Variants in CCSER1 observed in about 807,000 individuals in gnomAD.
CCSER1 encodes the protein serine-rich coiled-coil domain-containing protein 1.
CCSER1 carries 41 observed loss-of-function variants against 82.0 expected under a neutral mutation model. That is an observed-to-expected ratio of 0.50 (90% CI 0.39 to 0.65). The LOEUF (loss-of-function observed/expected upper bound fraction) is 0.65, where lower values mean the gene tolerates loss of function less well. CCSER1 is among the 30% of genes least tolerant of loss of function. The pLI is 0.00. For missense variants in CCSER1, 1,119 were observed against 1,064.2 expected (o/e 1.05, Z -0.72); for synonymous variants, 414 against 383.9 (o/e 1.08, Z -0.92).
rs547050491 is a variant in CCSER1 at position 91,054,533 on chromosome 4, C to T, written c.2173-31417C>T. 1.1e-4 allele frequency among the ~76,000 whole-genome samples: 17 copies of T among 152,078 alleles called. 1 individual carries two copies. The South Asian group carries it at 3.5e-3, about 32-fold the overall frequency. Reference sequence around the variant, plus strand: ...TCAGCTATTAATATAGTCACCCTTGCTCTCTTTTGATTACTATTTGCATGG... The same window carrying T: ...TCAGCTATTAATATAGTCACCCTTGTTCTCTTTTGATTACTATTTGCATGG... On this transcript the variant is annotated intron_variant, in intron 9 of 10. Transcript: ENST00000509176.
In CCSER1 at chr4:90,511,279, G is replaced by A. The variant is rs1018179002; in HGVS notation, c.1724+42925G>A. Among the ~76,000 whole-genome samples the A allele has an allele frequency of 2.6e-5, 4 of 152,182 alleles. No individual in the cohort carries two copies. The South Asian group carries it at 6.2e-4, about 24-fold the overall frequency. On this transcript the variant is annotated intron_variant, in intron 5 of 10. Transcript: ENST00000509176. ...CTAAAAATACAAAAACTAGCCGGGC[G>A]TGGTGGCACACACCTGTAGTCCCAG...
At chr4:90,822,753 T>A (rs576017240) in intron 8 of CCSER1, among the ~76,000 whole-genome samples, 1 of 150,114 alleles carries the variant, frequency 6.7e-6, no homozygotes, top group African/African-American at 2.4e-5. Context: ...AAAAAAAGTT[T>A]CTATTTAAAA....
intron 1 of CCSER1, among the ~76,000 whole-genome samples, chr4:90,200,901 A>G (rs985455669): frequency 6.6e-6 from 1 of 152,144 alleles, no homozygotes; most frequent in African/African-American, 2.4e-5. Flanking sequence ...TGAATAGGAA[A>G]TACTTCCTGT....
At chr4:90,381,279 T>G (rs1268548950) in intron 3 of CCSER1, among the ~76,000 whole-genome samples, 2 of 152,232 alleles carry the variant, frequency 1.3e-5, no homozygotes, top group African/African-American at 4.8e-5. Flanking sequence ...TTACTTTGGA[T>G]TATTCATTTT....
At chr4:90,862,169 G>T (rs1454445588) in intron 8 of CCSER1, among the ~76,000 whole-genome samples, 1 of 151,630 alleles carries the variant, frequency 6.6e-6, no homozygotes, top group Non-Finnish European at 1.5e-5. Flanking sequence ...TAAGATTATT[G>T]TGAAGTAGGA....
At chr4:90,178,587 G>T (rs1733145593) in intron 1 of CCSER1, among the ~76,000 whole-genome samples, 1 of 152,054 alleles carries the variant, frequency 6.6e-6, no homozygotes, top group Non-Finnish European at 1.5e-5. Context: ...AAGTGTTAAT[G>T]AGCGTGCTGG....
At chr4:90,768,840 T>A (rs2149552918) in intron 7 of CCSER1, among the ~76,000 whole-genome samples, 1 of 152,144 alleles carries the variant, frequency 6.6e-6, no homozygotes, top group East Asian at 1.9e-4. Context: ...TAGCAGTACA[T>A]CTATAGAGTG....
chr4:90,142,624 C>G (rs1356460885), intron 1 of CCSER1, among the ~76,000 whole-genome samples: 1 of 138,652 alleles, frequency 7.2e-6, no homozygotes, highest in African/African-American at 3.0e-5. Context: ...ATTTATTTAC[C>G]ACTTTTTTTT....
intron 7 of CCSER1, among the ~76,000 whole-genome samples, chr4:90,784,632 A>G (rs532974059): frequency 2.2e-4 from 33 of 152,282 alleles, no homozygotes; most frequent in Middle Eastern, 3.4e-3. Context: ...CATATACCTC[A>G]GTATCCATAT....
chr4:90,293,210 A>G (rs1731249535), intron 1 of CCSER1, among the ~76,000 whole-genome samples: 2 of 151,808 alleles, frequency 1.3e-5, no homozygotes, highest in Non-Finnish European at 1.5e-5. Context: ...ACAACAAGAA[A>G]CTATCAGAAA....
chr4:91,203,102 A>C (rs966151257), intron 10 of CCSER1, among the ~76,000 whole-genome samples: 18 of 151,976 alleles, frequency 1.2e-4, no homozygotes, highest in Non-Finnish European at 1.5e-4. Context: ...ACTAGTTTAC[A>C]GTCCCACCAA....
chr4:90,341,187 T>C (rs1160155687), intron 3 of CCSER1, among the ~76,000 whole-genome samples: 4 of 152,110 alleles, frequency 2.6e-5, no homozygotes, highest in African/African-American at 9.6e-5. Flanking sequence ...TGTTTCCTCA[T>C]AGATAAATTT....
chr4:90,645,366 G>T (rs1727372728), intron 6 of CCSER1, among the ~76,000 whole-genome samples: 1 of 152,146 alleles, frequency 6.6e-6, no homozygotes, highest in African/African-American at 2.4e-5. Flanking sequence ...AAGGAATTCT[G>T]TGTTATAGTA....
At chr4:91,024,060 C>G (rs1218611455) in intron 9 of CCSER1, among the ~76,000 whole-genome samples, 1 of 152,150 alleles carries the variant, frequency 6.6e-6, no homozygotes, top group Non-Finnish European at 1.5e-5. Flanking sequence ...ACAGTGCTAA[C>G]ATGCTAGCTC....
intron 9 of CCSER1, among the ~76,000 whole-genome samples, chr4:91,054,149 C>T (rs1281701078): frequency 6.6e-6 from 1 of 152,138 alleles, no homozygotes; most frequent in Non-Finnish European, 1.5e-5. Flanking sequence ...TGGTCTTTGG[C>T]CACATCATAT....
intron 8 of CCSER1, among the ~76,000 whole-genome samples, chr4:90,920,586 G>T (rs1041580559): frequency 3.3e-5 from 5 of 151,788 alleles, no homozygotes; most frequent in African/African-American, 9.7e-5. Context: ...TCTGGTCTTA[G>T]CTGGGATGTC....
chr4:90,434,518 T>C (rs940379789), intron 4 of CCSER1, among the ~76,000 whole-genome samples: 2 of 152,156 alleles, frequency 1.3e-5, no homozygotes, highest in East Asian at 1.9e-4. Flanking sequence ...TTCAAAAATA[T>C]AACATTTGAC....
At chr4:91,431,608 C>G (rs1357829937) in intron 10 of CCSER1, among the ~76,000 whole-genome samples, 2 of 151,968 alleles carry the variant, frequency 1.3e-5, no homozygotes, top group African/African-American at 2.4e-5. Context: ...GCTGGGATTA[C>G]GGGCATGCAC....
intron 10 of CCSER1, among the ~76,000 whole-genome samples, chr4:91,446,109 T>C (rs1035146186): frequency 6.6e-6 from 1 of 152,126 alleles, no homozygotes; most frequent in Non-Finnish European, 1.5e-5. Context: ...TATTGTGTAT[T>C]GTTTTAATGC....
Sources: gnomAD v4.1 joint callset for allele counts (sites outside exome capture counted in the v4.1 genomes callset) on GRCh38, gnomAD v4.1.1 for gene constraint, MANE v1.5 for transcripts, NCBI Gene and HGNC (gene_info 2026-07-23, HGNC 2026-07-21) for gene names.